Variants in CYSLTR2 observed in about 807,000 individuals in gnomAD.
CYSLTR2 encodes G-protein coupled receptor GPCR21.
For missense variants in CYSLTR2, 398 were observed against 411.9 expected (o/e 0.97, Z 0.29); for synonymous variants, 179 against 160.8 (o/e 1.11, Z -0.86).
Position 48,702,628 on chromosome 13 carries a change from T to C in CYSLTR2, c.-1-4189T>C, listed in dbSNP as rs150964773. 2.3e-3 allele frequency among the ~76,000 whole-genome samples: 354 copies of C among 152,300 alleles called. 2 individuals are homozygous for C. The highest frequency in any genetic ancestry group is 7.3e-3 in the African/African-American group (305 of 41,560). On this transcript the variant is annotated intron_variant, in intron 4 of 4. Coordinates refer to ENST00000682523, the MANE Select transcript of CYSLTR2 (RefSeq NM_001308476.3). ...TAGTTATGTGGGTCTGTTTCTGGGT[T>C]TCTATTCTTTTCTGTTGATCTATCT...
intron 4 of CYSLTR2, among the ~76,000 whole-genome samples, chr13:48,701,816 C>T (rs536307670): frequency 1.3e-5 from 2 of 152,312 alleles, no homozygotes; most frequent in African/African-American, 4.8e-5. Context: ...GTTGGTGGGA[C>T]TGTAAACTAG....
At chr13:48,696,453 A>G (rs559989437) in intron 3 of CYSLTR2, 73 bp from the exon 4 acceptor site, 1 of 152,186 alleles carries the variant, frequency 6.6e-6, no homozygotes, top group Non-Finnish European at 1.5e-5. Flanking sequence ...TTTGGTGTCA[A>G]TTCTAAGAAC....
At chr13:48,667,295 G>A (rs1217731258) in intron 1 of CYSLTR2, among the ~76,000 whole-genome samples, 6 of 152,184 alleles carry the variant, frequency 3.9e-5, no homozygotes, top group East Asian at 3.9e-4. Flanking sequence ...ATGGGTCAAC[G>A]AACTATGGGT....
intron 1 of CYSLTR2, among the ~76,000 whole-genome samples, chr13:48,678,737 A>C (rs1229223713): frequency 6.6e-6 from 1 of 152,150 alleles, no homozygotes; most frequent in African/African-American, 2.4e-5. Context: ...TATTAATGAA[A>C]GGCACCACTT....
chr13:48,707,379 T>C lies in CYSLTR2; in HGVS notation c.562T>C (p.Leu188=), dbSNP rs770108093. ...SEQNGSVTSC[L]ELNLYKIAKL... is the part of the protein sequence containing the mutation. ...GCAGAACGGCAGTGTCACATCATGC[T>C]TAGAGCTGAATCTCTATAAAATTGC... Residue 188 remains leucine, a synonymous_variant, in exon 5 of 5, where the codon TTA becomes CTA. Coordinates refer to ENST00000682523, the MANE Select transcript of CYSLTR2 (RefSeq NM_001308476.3). 1 of 1,614,142 alleles carries C rather than the reference T, an allele frequency of 6.2e-7. No individual in the cohort carries two copies. Among genetic ancestry groups the C allele is most frequent in the Non-Finnish European group, 8.5e-7 (1 of 1,180,030 alleles).
chr13:48,657,547 A>G (rs1359940487), intron 1 of CYSLTR2, among the ~76,000 whole-genome samples: 1 of 151,744 alleles, frequency 6.6e-6, no homozygotes, highest in Non-Finnish European at 1.5e-5. Flanking sequence ...AGAGAGGAAA[A>G]GAGGGGAAGG....
chr13:48,667,286 T>C (rs1011911966), intron 1 of CYSLTR2, among the ~76,000 whole-genome samples: 1 of 152,194 alleles, frequency 6.6e-6, no homozygotes, highest in Non-Finnish European at 1.5e-5. Context: ...GTACACATGA[T>C]GGGTCAACGA....
At chr13:48,677,269 G>C (rs115711057) in intron 1 of CYSLTR2, among the ~76,000 whole-genome samples, 1 of 152,160 alleles carries the variant, frequency 6.6e-6, no homozygotes, top group Non-Finnish European at 1.5e-5. Flanking sequence ...ATTCTAAGGA[G>C]GGTCTCCTCT....
chr13:48,665,289 G>T (rs1953232893), intron 1 of CYSLTR2, among the ~76,000 whole-genome samples: 1 of 152,060 alleles, frequency 6.6e-6, no homozygotes, highest in South Asian at 2.1e-4. Context: ...TATGTATTCT[G>T]CAGCTGTTGG....
chr13:48,688,399 C>A (rs144849178), intron 1 of CYSLTR2, among the ~76,000 whole-genome samples: 24 of 152,248 alleles, frequency 1.6e-4, no homozygotes, highest in African/African-American at 5.8e-4. Context: ...TAAGGCTATC[C>A]GTCCTCTAGC....
intron 1 of CYSLTR2, among the ~76,000 whole-genome samples, chr13:48,665,484 T>C (rs1440329405): frequency 2.0e-5 from 3 of 152,090 alleles, no homozygotes; most frequent in Non-Finnish European, 2.9e-5. Flanking sequence ...TTTATATATT[T>C]GGGTGGTCTA....
At chr13:48,673,795 G>T (rs189771198) in intron 1 of CYSLTR2, among the ~76,000 whole-genome samples, 46 of 152,142 alleles carry the variant, frequency 3.0e-4, no homozygotes, top group Non-Finnish European at 5.6e-4. Flanking sequence ...GCTTCCTTTG[G>T]AGCTCTTGTA....
chr13:48,688,556 C>T (rs572093025), intron 1 of CYSLTR2, among the ~76,000 whole-genome samples: 1 of 152,318 alleles, frequency 6.6e-6, no homozygotes, highest in East Asian at 1.9e-4. Flanking sequence ...TGGTTTCCAG[C>T]TTCATCCACA....
At chr13:48,664,256 C>T (rs926090544) in intron 1 of CYSLTR2, among the ~76,000 whole-genome samples, 12 of 151,960 alleles carry the variant, frequency 7.9e-5, no homozygotes, top group East Asian at 3.9e-4. Flanking sequence ...TGCTTCTATA[C>T]GTATCAGGGA....
In CYSLTR2 at chr13:48,690,435, T is replaced by C. The variant is rs548789458; in HGVS notation, c.-265-777T>C. Among the ~76,000 whole-genome samples, 7 of 152,012 alleles carry C rather than the reference T, an allele frequency of 4.6e-5. No individual in the cohort carries two copies. The South Asian group carries it at 1.5e-3, about 32-fold the overall frequency. ...ATTTTGAGATTATGTTTCATCAATA[T>C]CTAGTTTATTGAGAGTTTTTAGCAT... On this transcript the variant is annotated intron_variant, in intron 1 of 4. Coordinates refer to ENST00000682523, the MANE Select transcript of CYSLTR2 (RefSeq NM_001308476.3).
chr13:48,664,649 T>C (rs569789387), intron 1 of CYSLTR2, among the ~76,000 whole-genome samples: 1 of 152,178 alleles, frequency 6.6e-6, no homozygotes, highest in African/African-American at 2.4e-5. Context: ...TAATGATCCT[T>C]TGTATTTCTG....
intron 1 of CYSLTR2, among the ~76,000 whole-genome samples, chr13:48,676,832 T>C (rs1228388517): frequency 6.6e-6 from 1 of 152,256 alleles, no homozygotes; most frequent in African/African-American, 2.4e-5. Context: ...ACAATGCCAA[T>C]TTAGCCTGTC....
intron 1 of CYSLTR2, among the ~76,000 whole-genome samples, chr13:48,676,137 C>T (rs888076279): frequency 1.3e-5 from 2 of 152,190 alleles, no homozygotes; most frequent in African/African-American, 2.4e-5. Flanking sequence ...AGATAAGCTT[C>T]CCTCAAAGAA....
At chr13:48,700,375 C>A (rs554868154) in intron 4 of CYSLTR2, among the ~76,000 whole-genome samples, 37 of 152,334 alleles carry the variant, frequency 2.4e-4, no homozygotes, top group African/African-American at 8.4e-4. Context: ...ATATGCAAAT[C>A]AATAAACGTA....
Sources: allele counts gnomAD v4.1 joint callset (sites outside exome capture counted in the v4.1 genomes callset), GRCh38; gene constraint gnomAD v4.1.1; transcripts MANE v1.5; gene names NCBI Gene and HGNC (gene_info 2026-07-23, HGNC 2026-07-21).